Variants in GRM1 observed in about 807,000 individuals in gnomAD.
The protein encoded by GRM1 is metabotropic glutamate receptor 1.
A neutral mutation model predicts 90.9 loss-of-function variants in GRM1; 33 were observed. The observed-to-expected ratio is 0.36, with a 90% CI of 0.28 to 0.49. The LOEUF (loss-of-function observed/expected upper bound fraction) is 0.49. Ranked by LOEUF, GRM1 falls within the 20% of genes least tolerant of loss-of-function variation. The pLI is 0.99. For synonymous variants in GRM1, 700 were observed against 613.2 expected, an observed-to-expected ratio of 1.14 and a Z score of -2.09; for missense variants, 1,190 against 1,534.3, an observed-to-expected ratio of 0.78 and a Z score of 3.75.
chr6:146,398,256 C>G (rs147721545), intron 6 of GRM1, among the ~76,000 whole-genome samples: 22 of 152,302 alleles, frequency 1.4e-4, no homozygotes, highest in African/African-American at 4.8e-4. Context: ...AATGCAGATT[C>G]TTCTAAAGAA....
At chr6:146,342,343 A>G (rs1422054927) in intron 3 of GRM1, among the ~76,000 whole-genome samples, 1 of 152,238 alleles carries the variant, frequency 6.6e-6, no homozygotes, top group Non-Finnish European at 1.5e-5. Flanking sequence ...TTTATAGATT[A>G]TATATTGTCT....
At chr6:146,405,884 T>A (rs1777329714) in intron 7 of GRM1, among the ~76,000 whole-genome samples, 1 of 152,200 alleles carries the variant, frequency 6.6e-6, no homozygotes, top group Admixed American at 6.5e-5. Flanking sequence ...AATGTTTCAA[T>A]AAGATAGAAC....
At chr6:146,358,028 T>C (rs1346364978) in intron 5 of GRM1, among the ~76,000 whole-genome samples, 1 of 152,234 alleles carries the variant, frequency 6.6e-6, no homozygotes, top group Non-Finnish European at 1.5e-5. Flanking sequence ...TAGTGCTTAG[T>C]CATAGTTCTA....
intron 2 of GRM1, among the ~76,000 whole-genome samples, chr6:146,220,300 T>C (rs1428961111): frequency 6.6e-6 from 1 of 152,204 alleles, no homozygotes; most frequent in Non-Finnish European, 1.5e-5. Flanking sequence ...AAATGTGTAT[T>C]ATCAGGTCCA....
chr6:146,308,574 ATAGT>A (rs1246434606), intron 3 of GRM1, among the ~76,000 whole-genome samples: 3 of 152,180 alleles, frequency 2.0e-5, no homozygotes, highest in African/African-American at 4.8e-5. Flanking sequence ...TCACCCTTAC[ATAGT>A]TAGTGCCAAT....
intron 3 of GRM1, among the ~76,000 whole-genome samples, chr6:146,345,422 G>C (rs1007665229): frequency 1.3e-5 from 2 of 152,166 alleles, no homozygotes; most frequent in African/African-American, 2.4e-5. Flanking sequence ...TAATAAGCAA[G>C]ACCTCATATT....
intron 1 of GRM1, among the ~76,000 whole-genome samples, chr6:146,080,191 T>C (rs942389276): frequency 2.6e-5 from 4 of 152,210 alleles, no homozygotes; most frequent in African/African-American, 9.6e-5. Flanking sequence ...AAGAGGCTGG[T>C]GTGGAGGGTG....
intron 2 of GRM1, among the ~76,000 whole-genome samples, chr6:146,228,727 A>T (rs781427689): frequency 5.9e-5 from 9 of 152,208 alleles, no homozygotes; most frequent in Non-Finnish European, 1.2e-4. Flanking sequence ...ACACCCTGTC[A>T]AAGACTCTCT....
At chr6:146,377,414 G>T (rs1325798054) in intron 5 of GRM1, among the ~76,000 whole-genome samples, 1 of 152,082 alleles carries the variant, frequency 6.6e-6, no homozygotes, top group Non-Finnish European at 1.5e-5. Context: ...GTTAGAAATT[G>T]GAGTAAAGGT....
At chr6:146,068,334 T>C (rs1347880693) in intron 1 of GRM1, among the ~76,000 whole-genome samples, 2 of 152,118 alleles carry the variant, frequency 1.3e-5, no homozygotes, top group African/African-American at 4.8e-5. Flanking sequence ...AGGATGGTCT[T>C]GATCTCCTGA....
chr6:146,134,250 A>G (rs1207730398), intron 1 of GRM1, among the ~76,000 whole-genome samples: 1 of 152,208 alleles, frequency 6.6e-6, no homozygotes, highest in African/African-American at 2.4e-5. Flanking sequence ...TCTGAGCCCC[A>G]GTTTTATTGT....
At chr6:146,253,197 G>A (rs963493552) in intron 2 of GRM1, among the ~76,000 whole-genome samples, 1 of 152,078 alleles carries the variant, frequency 6.6e-6, no homozygotes. Flanking sequence ...AAGATCCTTC[G>A]GCAGCAATAT....
intron 2 of GRM1, among the ~76,000 whole-genome samples, chr6:146,163,335 A>C (rs1328005638): frequency 6.6e-6 from 1 of 151,194 alleles, no homozygotes; most frequent in Non-Finnish European, 1.5e-5. Context: ...GCTCACTATA[A>C]TAATAATTGT....
At chr6:146,253,858 T>C (rs561380099) in intron 2 of GRM1, among the ~76,000 whole-genome samples, 2 of 152,290 alleles carry the variant, frequency 1.3e-5, no homozygotes, top group African/African-American at 4.8e-5. Flanking sequence ...AGAAAAGACA[T>C]AAACTTTGAG....
intron 2 of GRM1, among the ~76,000 whole-genome samples, chr6:146,221,591 A>G (rs1351872817): frequency 6.6e-6 from 1 of 152,136 alleles, no homozygotes; most frequent in East Asian, 1.9e-4. Context: ...TATTCAGTCT[A>G]TCATTGATGG....
At chr6:146,295,292 TG>T (rs1420543421) in intron 2 of GRM1, among the ~76,000 whole-genome samples, 2 of 152,068 alleles carry the variant, frequency 1.3e-5, no homozygotes, top group Non-Finnish European at 2.9e-5. Context: ...GGTATGATCT[TG>T]GCTCACTGCA....
In GRM1 at chr6:146,434,604, G is replaced by T; in HGVS notation, c.3393G>T (p.Leu1131=). ...AACTGGAAGAGGAGGAGGAGGACCT[G>T]CAGGCGGCCAGCAAACTGACCCCGG... ...EDELEEEEED[L]QAASKLTPDD... The change falls in exon 8 of 8, where the codon CTG becomes CTT. Residue 1131 remains leucine, a synonymous_variant. Transcript: ENST00000282753. 1 of 1,613,448 alleles carries T rather than the reference G, an allele frequency of 6.2e-7. No individual in the cohort carries two copies. Among genetic ancestry groups the T allele is most frequent in the Non-Finnish European group, 8.5e-7 (1 of 1,180,024 alleles).
At chr6:146,161,094 C>G (rs1459322293) in intron 2 of GRM1, among the ~76,000 whole-genome samples, 1 of 152,096 alleles carries the variant, frequency 6.6e-6, no homozygotes, top group African/African-American at 2.4e-5. Context: ...CAGAGGGTGT[C>G]CAGACATTCA....
chr6:146,031,792 G>T (rs776823896), intron 1 of GRM1, among the ~76,000 whole-genome samples: 1 of 152,108 alleles, frequency 6.6e-6, no homozygotes. Context: ...CATCCTGAAA[G>T]AGCAAGTTAA....
Sources: gnomAD v4.1 joint callset for allele counts (sites outside exome capture counted in the v4.1 genomes callset) on GRCh38, gnomAD v4.1.1 for gene constraint, MANE v1.5 for transcripts, NCBI Gene and HGNC (gene_info 2026-07-23, HGNC 2026-07-21) for gene names.